Variants in PDX1 observed in about 807,000 individuals in gnomAD.
PDX1 encodes pancreas/duodenum homeobox protein 1.
Under a neutral mutation model 11.1 loss-of-function variants are expected in PDX1, and 7 were observed. The observed-to-expected ratio is 0.63, with a 90% CI of 0.36 to 1.19. The LOEUF is 1.19. PDX1 is among the 50% of genes most tolerant of loss of function. The pLI is 0.02. For synonymous variants in PDX1, 232 were observed against 196.2 expected (o/e 1.18, Z -1.53); for missense variants, 449 against 412.1 (o/e 1.09, Z -0.78).
rs746545394 is a variant in PDX1, at chr13:27,924,524, G to A, written c.675G>A (p.Gln225=). The A allele has an allele frequency of 6.2e-6, 10 of 1,604,160 alleles. No homozygotes were observed. The highest frequency in any genetic ancestry group is 1.3e-5 in the African/African-American group (1 of 74,502). The stretch of plus-strand genomic sequence containing the variant: ...GTGGCGGGGTCGCGGAGCCTGAGCA[G>A]GACTGCGCCGTGACCTCCGGCGAGG... ...VGGGGVAEPE[Q]DCAVTSGEEL... is the part of the protein sequence containing the mutation. Residue 225 remains glutamine, a synonymous_variant, in exon 2 of 2, where the codon CAG becomes CAA. Transcript: ENST00000381033. The surrounding 1 kb of genome is among the most constrained non-coding windows in gnomAD (Gnocchi z 4.8).
intron 1 of PDX1, 31 bp downstream of exon 1, chr13:27,920,575 T>C (rs1340463144): frequency 6.2e-7 from 1 of 1,611,188 alleles, no homozygotes; most frequent in Admixed American, 1.7e-5. Context: ...CTTTCTCCTT[T>C]CCGGTTCTCA....
At chr13:27,923,694 T>C (rs1957803171) in intron 1 of PDX1, among the ~76,000 whole-genome samples, 4 of 152,226 alleles carry the variant, frequency 2.6e-5, no homozygotes. Context: ...TTAAACGAAA[T>C]AGCAGATAAT....
chr13:27,921,627 G>C (rs1366571234), intron 1 of PDX1, among the ~76,000 whole-genome samples: 1 of 152,170 alleles, frequency 6.6e-6, no homozygotes, highest in Non-Finnish European at 1.5e-5. Context: ...AATCCTCAGC[G>C]CCCATCTGCG....
chr13:27,920,969 A>G (rs868743210), intron 1 of PDX1, among the ~76,000 whole-genome samples: 1 of 152,184 alleles, frequency 6.6e-6, no homozygotes, highest in Non-Finnish European at 1.5e-5. Context: ...CAGGCCCCAG[A>G]TCGCCTTCGG....
chr13:27,921,847 G>T lies in PDX1; in HGVS notation c.406+1303G>T, dbSNP rs559954072. ...CTCCAGCGAAACCCAGTTGACAGGG[G>T]CGCCAGAAGCTGCCGCGGCGCCTCT... On this transcript the variant is annotated intron_variant, in intron 1 of 1. Transcript: ENST00000381033. Among the ~76,000 whole-genome samples the T allele has an allele frequency of 2.0e-5, 3 of 152,358 alleles. No homozygotes were observed. The South Asian group carries it at 6.2e-4, about 32-fold the overall frequency.
intron 1 of PDX1, among the ~76,000 whole-genome samples, chr13:27,922,282 G>A (rs61944006): frequency 6.6e-6 from 1 of 152,082 alleles, no homozygotes; most frequent in Non-Finnish European, 1.5e-5. Context: ...CTCTCGGGCT[G>A]GAGTTGGCCC....
chr13:27,921,322 G>C (rs1003771850), intron 1 of PDX1, among the ~76,000 whole-genome samples: 2 of 152,260 alleles, frequency 1.3e-5, no homozygotes, highest in African/African-American at 4.8e-5. Context: ...TCCCTGCCTA[G>C]CTGGTGGGGA....
rs1384588250 is a variant in PDX1, at chr13:27,924,541, C to T, written c.692C>T (p.Ser231Phe). 2 of 1,584,412 alleles carry T rather than the reference C, an allele frequency of 1.3e-6. No individual in the cohort carries two copies. The highest frequency in any genetic ancestry group is 1.4e-5 in the African/African-American group (1 of 73,276). ...CCTGAGCAGGACTGCGCCGTGACCTCCGGCGAGGAGCTTCTGGCGCTGCCG... is the reference window on the plus strand; with the variant it reads ...CCTGAGCAGGACTGCGCCGTGACCTTCGGCGAGGAGCTTCTGGCGCTGCCG... ...AEPEQDCAVT[S>F]GEELLALPPP... Residue 231 changes from serine to phenylalanine, a missense_variant, in exon 2 of 2, where the codon TCC becomes TTC. Coordinates refer to ENST00000381033, the MANE Select transcript of PDX1 (RefSeq NM_000209.4). The surrounding 1 kb of genome is among the most constrained non-coding windows in gnomAD (Gnocchi z 4.8).
intron 1 of PDX1, among the ~76,000 whole-genome samples, chr13:27,922,404 G>A (rs954860835): frequency 6.6e-6 from 1 of 152,182 alleles, no homozygotes. Context: ...CTATCCCCGC[G>A]TTCCTCTAGG....
Position 27,924,793 on chromosome 13 carries a change from C to G in PDX1, c.*92C>G. On this transcript the variant is annotated 3_prime_UTR_variant, in exon 2 of 2. Coordinates refer to ENST00000381033, the MANE Select transcript of PDX1 (RefSeq NM_000209.4). This position sits in a 1 kb window ranked among gnomAD's most constrained non-coding sequence, Gnocchi z 4.8. ...GGACCCCGGGCGTGGACCACCCGCC[C>G]TGGCAGTTGAATGGGGCGGCAATTG... 9.4e-7 allele frequency: 1 copy of G among 1,067,310 alleles called. No homozygotes were observed. The highest frequency in any genetic ancestry group is 1.2e-6 in the Non-Finnish European group (1 of 816,180). The allele number at this position is 1,067,310 out of a possible 1,614,324, so 66.1% of individuals were successfully genotyped here.
Position 27,920,056 on chromosome 13 carries a change from A to G in PDX1, c.-83A>G. The G allele has an allele frequency of 6.6e-7, 1 of 1,507,900 alleles. No homozygotes were observed. The highest frequency in any genetic ancestry group is 2.2e-4 in the Middle Eastern group (1 of 4,564). 93.4% of individuals were successfully genotyped at this position (1,507,900 alleles called of 1,614,324 possible). ...GGGTGGCGCCGGGAGTGGGAACGCC[A>G]CACAGTGCCAAATCCCCGGCTCCAG... On this transcript the variant is annotated 5_prime_UTR_variant, in exon 1 of 2. Coordinates refer to ENST00000381033, the MANE Select transcript of PDX1 (RefSeq NM_000209.4).
chr13:27,925,571 TCTCCCTCCTCTTCCTC>T lies in PDX1; in HGVS notation c.*875_*890del. ...GTCCTCTTCCTCCTCCTCCTCTTCT[TCTCCCTCCTCTTCCTC>T]CTCCTCTTTCTTCCTGACCTCTTTC... On this transcript the variant is annotated 3_prime_UTR_variant, in exon 2 of 2. Transcript: ENST00000381033. The T allele has an allele frequency of 5.2e-6, 1 of 192,694 alleles. No homozygotes were observed. The highest frequency in any genetic ancestry group is 1.1e-5 in the Non-Finnish European group (1 of 93,588). 11.9% of individuals were successfully genotyped at this position (192,694 alleles called of 1,614,324 possible).
At position 27,924,036 on chromosome 13, in the gene PDX1, C is replaced by T. The variant is rs1285263924; in HGVS notation, c.407-220C>T. Among the ~76,000 whole-genome samples the T allele has an allele frequency of 6.6e-6, 1 of 152,246 alleles. No individual in the cohort carries two copies. Among genetic ancestry groups the T allele is most frequent in the African/African-American group, 2.4e-5 (1 of 41,462 alleles). On this transcript the variant is annotated intron_variant, in intron 1 of 1. Transcript: ENST00000381033. This position sits in a 1 kb window ranked among gnomAD's most constrained non-coding sequence, Gnocchi z 4.8. ...GCGAGAGCTGACTCGAGTTTGGTCTCCAATAAAAAGGCTATCTTTATTAGG... is the reference window on the plus strand; with the variant it reads ...GCGAGAGCTGACTCGAGTTTGGTCTTCAATAAAAAGGCTATCTTTATTAGG...
At chr13:27,922,382 C>T (rs1281586618) in intron 1 of PDX1, among the ~76,000 whole-genome samples, 3 of 152,168 alleles carry the variant, frequency 2.0e-5, no homozygotes, top group East Asian at 3.9e-4. Context: ...AAGCCGTCTG[C>T]GGGGCCGGCT....
At position 27,920,261 on chromosome 13, in the gene PDX1, GC is replaced by G; in HGVS notation, c.128del (p.Pro43ArgfsTer80). ...CTGCGTGCCTGTACATGGGCCGCCA[GC>G]CCCCGCCGCCGCCGCCGCACCCGTT... Reference protein sequence around the residue: ...PPACLYMGRQPPPPPPHPFPG... With the variant: ...PPACLYMGRQXPPPPPHPFPG... On this transcript the variant is annotated frameshift_variant, in exon 1 of 2. Coordinates refer to ENST00000381033, the MANE Select transcript of PDX1 (RefSeq NM_000209.4). LOFTEE classifies it high-confidence loss of function. 1 of 1,542,240 alleles carries G rather than the reference GC, an allele frequency of 6.5e-7. No individual in the cohort carries two copies. Among genetic ancestry groups the G allele is most frequent in the East Asian group, 2.5e-5 (1 of 40,254 alleles).
chr13:27,922,648 C>T (rs1957796050), intron 1 of PDX1, among the ~76,000 whole-genome samples: 1 of 152,140 alleles, frequency 6.6e-6, no homozygotes, highest in African/African-American at 2.4e-5. Flanking sequence ...CTTTTCCCAC[C>T]ATCCTCAACC....
rs748191433 is a variant in PDX1, at chr13:27,924,238, G to T, written c.407-18G>T. On this transcript the variant is annotated intron_variant, in intron 1 of 1. Transcript: ENST00000381033. This position sits in a 1 kb window ranked among gnomAD's most constrained non-coding sequence, Gnocchi z 4.8. ...GCGGGGCTCCGGGGGCCACACTCAC[G>T]CCCTGTGTCGCCCGCAGGCGGCGCC... The T allele has an allele frequency of 6.4e-7, 1 of 1,571,122 alleles. No homozygotes were observed. The highest frequency in any genetic ancestry group is 2.3e-5 in the East Asian group (1 of 43,538).
At position 27,920,299 on chromosome 13, in the gene PDX1, T is replaced by C; in HGVS notation, c.161T>C (p.Leu54Pro). 1 of 1,537,722 alleles carries C rather than the reference T, an allele frequency of 6.5e-7. No homozygotes were observed. Among genetic ancestry groups the C allele is most frequent in the Non-Finnish European group, 8.8e-7 (1 of 1,141,896 alleles). ...CCGCCGCACCCGTTCCCTGGCGCCCTGGGCGCGCTGGAGCAGGGCAGCCCC... is the reference window on the plus strand; with the variant it reads ...CCGCCGCACCCGTTCCCTGGCGCCCCGGGCGCGCTGGAGCAGGGCAGCCCC... ...PPPPHPFPGA[L>P]GALEQGSPPD... is the part of the protein sequence containing the mutation. Residue 54 changes from leucine to proline, a missense_variant, in exon 1 of 2, where the codon CTG becomes CCG. Physicochemically the swap from Leu to Pro is moderately conservative, Grantham distance 98. Coordinates refer to ENST00000381033, the MANE Select transcript of PDX1 (RefSeq NM_000209.4).
rs1462590343 is a variant in PDX1, at chr13:27,924,640, G to A, written c.791G>A (p.Gly264Asp). Reference sequence around the variant, plus strand: ...GCCCGAGAGGGCCGCCTGCCGCCTGGCCTTAGCGCGTCGCCACAGCCCTCC... The same window carrying A: ...GCCCGAGAGGGCCGCCTGCCGCCTGACCTTAGCGCGTCGCCACAGCCCTCC... ...VAAREGRLPPGLSASPQPSSV... is the reference protein window; with the variant it reads ...VAAREGRLPPDLSASPQPSSV... Residue 264 changes from glycine to aspartate, a missense_variant, in exon 2 of 2, where the codon GGC becomes GAC. Physicochemically the swap from Gly to Asp is moderately conservative, Grantham distance 94 (BLOSUM62 -1). Coordinates refer to ENST00000381033, the MANE Select transcript of PDX1 (RefSeq NM_000209.4). This position sits in a 1 kb window ranked among gnomAD's most constrained non-coding sequence, Gnocchi z 4.8. 1 of 1,480,540 alleles carries A rather than the reference G, an allele frequency of 6.8e-7. No individual in the cohort carries two copies. The highest frequency in any genetic ancestry group is 8.9e-7 in the Non-Finnish European group (1 of 1,121,740). The allele number at this position is 1,480,540 out of a possible 1,614,324, so 91.7% of individuals were successfully genotyped here. A position where few individuals can be genotyped will look rare whatever the true frequency, so the allele number is the denominator to read the frequency against.
Sources: allele counts gnomAD v4.1 joint callset (sites outside exome capture counted in the v4.1 genomes callset), GRCh38; gene constraint gnomAD v4.1.1; non-coding constraint Gnocchi (gnomAD v3.1); transcripts MANE v1.5; gene names NCBI Gene and HGNC (gene_info 2026-07-23, HGNC 2026-07-21).